The following GPR55 variants were observed in gnomAD, a reference collection of about 807,000 sequenced individuals.
The protein encoded by GPR55 is G-protein coupled receptor 55.
GPR55 carries 6 observed loss-of-function variants against 7.9 expected under a neutral mutation model. The ratio of observed to expected loss-of-function variants is 0.76; its 90% CI spans 0.41 to 1.49. The LOEUF (loss-of-function observed/expected upper bound fraction) is 1.49. GPR55 is among the 40% of genes most tolerant of loss of function. The pLI is 0.01. For missense variants in GPR55, 376 were observed against 406.0 expected (o/e 0.93, Z 0.63); for synonymous variants, 183 against 166.8 (o/e 1.10, Z -0.75).
chr2:230,912,258 C>A (rs1453531462), intron 1 of GPR55, among the ~76,000 whole-genome samples: 2 of 152,080 alleles, frequency 1.3e-5, no homozygotes, highest in South Asian at 4.2e-4. Flanking sequence ...TGAGCAAGTG[C>A]GGCCAGGTCC....
intron 1 of GPR55, 128 bp from the exon 2 acceptor site, chr2:230,911,224 C>T: frequency 2.1e-6 from 1 of 468,136 alleles, no homozygotes; most frequent in Non-Finnish European, 3.9e-6. Flanking sequence ...TTTTCTTTGA[C>T]AAATATAGAA....
intron 1 of GPR55, among the ~76,000 whole-genome samples, chr2:230,945,491 C>T (rs947597423): frequency 6.6e-6 from 1 of 152,178 alleles, no homozygotes; most frequent in Non-Finnish European, 1.5e-5. Flanking sequence ...TTGAACAAAC[C>T]AGCCATAAAA....
chr2:230,934,844 C>G (rs1405591349), intron 1 of GPR55, among the ~76,000 whole-genome samples: 1 of 152,124 alleles, frequency 6.6e-6, no homozygotes, highest in East Asian at 1.9e-4. Flanking sequence ...ATTAAGCCCT[C>G]TCTTCAGTCG....
chr2:230,916,282 G>T (rs950626775), intron 1 of GPR55, among the ~76,000 whole-genome samples: 3 of 152,076 alleles, frequency 2.0e-5, no homozygotes, highest in Non-Finnish European at 4.4e-5. Context: ...CAACTATTTG[G>T]CAGGCTGTGT....
intron 1 of GPR55, among the ~76,000 whole-genome samples, chr2:230,931,667 C>T (rs1054213677): frequency 1.3e-5 from 2 of 152,266 alleles, no homozygotes; most frequent in East Asian, 3.9e-4. Flanking sequence ...CCGCTGCACC[C>T]ACGAGGGCCC....
At chr2:230,940,329 C>T (rs1691206064) in intron 1 of GPR55, among the ~76,000 whole-genome samples, 1 of 152,166 alleles carries the variant, frequency 6.6e-6, no homozygotes, top group Non-Finnish European at 1.5e-5. Context: ...TGACAGGCTG[C>T]GTTCTCTTCA....
At position 230,923,266 on chromosome 2, in the gene GPR55, A is replaced by C. The variant is rs930739190; in HGVS notation, c.-135+1902T>G. The stretch of plus-strand genomic sequence containing the variant: ...GATCACAACCCTAAGGAGGGTTGCA[A>C]CTGAGAAGGTGGCCCTTCCTGCAGC... On this transcript the variant is annotated intron_variant, in intron 1 of 1. Transcript: ENST00000650999. This position sits in a 1 kb window ranked among gnomAD's most constrained non-coding sequence, Gnocchi z 4.1. 6.6e-6 allele frequency among the ~76,000 whole-genome samples: 1 copy of C among 152,172 alleles called. No individual in the cohort carries two copies. Among genetic ancestry groups the C allele is most frequent in the East Asian group, 1.9e-4 (1 of 5,194 alleles).
intron 1 of GPR55, 61 bp from the exon 2 acceptor site, chr2:230,911,157 T>C: frequency 1.7e-6 from 1 of 594,944 alleles, no homozygotes; most frequent in South Asian, 2.4e-5. Flanking sequence ...CCACTGTTAC[T>C]TTTTGTGTAT....
At chr2:230,927,626 C>A (rs943677251), upstream of GPR55, among the ~76,000 whole-genome samples, 1 of 152,244 alleles carries the variant, frequency 6.6e-6, no homozygotes, top group African/African-American at 2.4e-5. Flanking sequence ...CCCTGCCTGT[C>A]TTCCAGGCTG....
At chr2:230,913,319 G>T (rs1230651948) in intron 1 of GPR55, among the ~76,000 whole-genome samples, 1 of 151,994 alleles carries the variant, frequency 6.6e-6, no homozygotes, top group Non-Finnish European at 1.5e-5. Flanking sequence ...AAAAAATTGG[G>T]GTGTGTTTTA....
rs201845925 is a variant in GPR55, at chr2:230,954,722, G to GT, written c.-135+6052dup. 6.1e-3 allele frequency among the ~76,000 whole-genome samples: 933 copies of GT among 151,918 alleles called. 15 individuals are homozygous for GT. The highest frequency in any genetic ancestry group is 0.021 in the African/African-American group (859 of 41,438). Reference sequence around the variant, plus strand: ...ATACTAGATCTTATTTATTCTTTCTGTTTTTTTGTACCCACTAACCAAGGC... The same window carrying GT: ...ATACTAGATCTTATTTATTCTTTCTGTTTTTTTTGTACCCACTAACCAAGGC... On this transcript the variant is annotated intron_variant, in intron 1 of 1. Coordinates refer to the GPR55 transcript ENST00000392039.
rs1690536956 is a variant in GPR55 at position 230,909,584 on chromosome 2, T to A, written c.*419A>T. 5.3e-6 allele frequency: 1 copy of A among 187,474 alleles called. No individual in the cohort carries two copies. Among genetic ancestry groups the A allele is most frequent in the African/African-American group, 2.4e-5 (1 of 42,392 alleles). The allele number at this position is 187,474 out of a possible 1,614,324, so 11.6% of individuals were successfully genotyped here. A position where few individuals can be genotyped will look rare whatever the true frequency, so the allele number is the denominator to read the frequency against. On this transcript the variant is annotated 3_prime_UTR_variant, in exon 2 of 2. Coordinates refer to ENST00000650999, the MANE Select transcript of GPR55 (RefSeq NM_005683.4). The stretch of plus-strand genomic sequence containing the variant: ...ACCACCCCACCTCTGCCCAAGACAC[T>A]CTCCCCAATAACTGACTCTCTTGGC...
At chr2:230,935,337 G>A (rs1691117268) in intron 1 of GPR55, among the ~76,000 whole-genome samples, 1 of 152,200 alleles carries the variant, frequency 6.6e-6, no homozygotes, top group Admixed American at 6.5e-5. Context: ...TCTGGATGAG[G>A]GGCCCAGGAA....
At chr2:230,945,546 G>C (rs1691300004) in intron 1 of GPR55, among the ~76,000 whole-genome samples, 1 of 152,234 alleles carries the variant, frequency 6.6e-6, no homozygotes, top group African/African-American at 2.4e-5. Flanking sequence ...GGATTTCGTG[G>C]TGGACGATAT....
At chr2:230,942,769 G>C (rs1305048105) in intron 1 of GPR55, among the ~76,000 whole-genome samples, 1 of 151,990 alleles carries the variant, frequency 6.6e-6, no homozygotes, top group African/African-American at 2.4e-5. Context: ...GTGGGCACCA[G>C]ACCCAGAAGA....
intron 1 of GPR55, among the ~76,000 whole-genome samples, chr2:230,950,882 G>A (rs1351560630): frequency 2.6e-5 from 4 of 152,108 alleles, no homozygotes; most frequent in Non-Finnish European, 5.9e-5. Flanking sequence ...CTGAGAGAAG[G>A]AACGCTGACA....
chr2:230,921,404 C>G (rs1303174352), intron 1 of GPR55, among the ~76,000 whole-genome samples: 2 of 152,128 alleles, frequency 1.3e-5, no homozygotes, highest in Non-Finnish European at 2.9e-5. Context: ...AAAATTTACC[C>G]CATTCCCGAG....
intron 1 of GPR55, among the ~76,000 whole-genome samples, chr2:230,916,227 T>C (rs572401472): frequency 1.3e-5 from 2 of 151,156 alleles, no homozygotes; most frequent in African/African-American, 2.4e-5. Context: ...GAAAAAAAAA[T>C]TTTTTTTAGA....
intron 1 of GPR55, among the ~76,000 whole-genome samples, chr2:230,957,231 C>T (rs1249400636): frequency 6.6e-6 from 1 of 152,172 alleles, no homozygotes; most frequent in Non-Finnish European, 1.5e-5. Context: ...TTTGCCTTTT[C>T]GCTTAAAGGA....
Sources: gnomAD v4.1 joint callset for allele counts (sites outside exome capture counted in the v4.1 genomes callset) on GRCh38, gnomAD v4.1.1 for gene constraint, Gnocchi (gnomAD v3.1) non-coding constraint, MANE v1.5 for transcripts, NCBI Gene and HGNC (gene_info 2026-07-23, HGNC 2026-07-21) for gene names.